The following MAST4 variants were observed in gnomAD, a reference collection of about 807,000 sequenced individuals.
The protein encoded by MAST4 is microtubule-associated serine/threonine-protein kinase 4.
Under a neutral mutation model 162.7 loss-of-function variants are expected in MAST4, and 89 were observed. That is an observed-to-expected ratio of 0.55 (90% CI 0.46 to 0.65). The LOEUF (loss-of-function observed/expected upper bound fraction) is 0.65, where lower values mean the gene tolerates loss of function less well. Ranked by LOEUF, MAST4 falls within the 30% of genes least tolerant of loss-of-function variation. The pLI is 0.00. For missense variants in MAST4, 3,153 were observed against 3,374.0 expected (o/e 0.93, Z 1.62); for synonymous variants, 1,479 against 1,361.1 (o/e 1.09, Z -1.91).
At chr5:67,132,310 T>C (rs561155106) in intron 16 of MAST4, among the ~76,000 whole-genome samples, 90 of 152,162 alleles carry the variant, frequency 5.9e-4, no homozygotes, top group Non-Finnish European at 1.1e-3. Context: ...TTTATCCTAA[T>C]GTTATCCCTT....
At chr5:66,887,380 T>A (rs1397650191) in intron 3 of MAST4, among the ~76,000 whole-genome samples, 1 of 152,228 alleles carries the variant, frequency 6.6e-6, no homozygotes, top group Non-Finnish European at 1.5e-5. Context: ...GATACACTGT[T>A]CCAAAGCTAA....
chr5:67,071,221 G>A (rs1252900750), intron 5 of MAST4, among the ~76,000 whole-genome samples: 2 of 152,086 alleles, frequency 1.3e-5, no homozygotes, highest in Non-Finnish European at 2.9e-5. Context: ...CAATGAAGGC[G>A]AAAGACCTAC....
chr5:66,672,682 C>T (rs561181683), intron 1 of MAST4, among the ~76,000 whole-genome samples: 111 of 152,258 alleles, frequency 7.3e-4, no homozygotes, highest in Non-Finnish European at 1.3e-3. Context: ...AGTTTACTAA[C>T]CACTTTCTCA....
At chr5:66,722,747 G>A (rs1473626313) in intron 1 of MAST4, among the ~76,000 whole-genome samples, 2 of 152,148 alleles carry the variant, frequency 1.3e-5, no homozygotes, top group Non-Finnish European at 2.9e-5. Context: ...TTTCTAACTA[G>A]TTTTCTGGGA....
At chr5:66,719,295 T>G (rs1273852774) in intron 1 of MAST4, among the ~76,000 whole-genome samples, 5 of 152,186 alleles carry the variant, frequency 3.3e-5, no homozygotes, top group Non-Finnish European at 7.3e-5. Flanking sequence ...GGAGGAAATA[T>G]AAACTAGTTT....
At chr5:66,895,558 A>G (rs1384955710) in intron 3 of MAST4, among the ~76,000 whole-genome samples, 3 of 152,144 alleles carry the variant, frequency 2.0e-5, no homozygotes, top group African/African-American at 7.2e-5. Context: ...CAGGCCAAAA[A>G]CTTATGACTC....
At chr5:67,133,128 T>A (rs1353756427) in intron 16 of MAST4, among the ~76,000 whole-genome samples, 4 of 152,108 alleles carry the variant, frequency 2.6e-5, no homozygotes, top group Non-Finnish European at 4.4e-5. Context: ...ATTTTATGCC[T>A]CATTTGAATC....
intron 23 of MAST4, 141 bp downstream of exon 23, chr5:67,145,520 G>GC: frequency 3.0e-6 from 2 of 666,806 alleles, no homozygotes; most frequent in Non-Finnish European, 5.1e-6. Context: ...CAGTCCTTAG[G>GC]CTTGGGACAC....
rs577002880 is a variant in MAST4 at position 66,739,852 on chromosome 5, T to G, written c.364-19857T>G. On this transcript the variant is annotated intron_variant, in intron 1 of 28. Transcript: ENST00000403625. Reference sequence around the variant, plus strand: ...GTTATTTTCCATCACTCTTGTTTTTTTTTTTTTTTTCATCCTGCTTTTTGT... The same window carrying G: ...GTTATTTTCCATCACTCTTGTTTTTGTTTTTTTTTTCATCCTGCTTTTTGT... Among the ~76,000 whole-genome samples the G allele has an allele frequency of 5.3e-5, 8 of 152,094 alleles. No individual in the cohort carries two copies. In the South Asian group the frequency reaches 1.0e-3, roughly 20 times the overall value.
chr5:66,636,933 A>G (rs903826017), intron 1 of MAST4, among the ~76,000 whole-genome samples: 1 of 152,232 alleles, frequency 6.6e-6, no homozygotes, highest in Non-Finnish European at 1.5e-5. Flanking sequence ...TATTAAAGTA[A>G]TGTGTCATTA....
In MAST4 at chr5:67,109,910, T is replaced by G. The variant is rs147170270; in HGVS notation, c.1357-188T>G. ...AGGTTTAGCTAATAGAAAGATTTTG[T>G]AGATATAGGCGTTTAATAGTGTCCA... On this transcript the variant is annotated intron_variant, in intron 10 of 28. Coordinates refer to ENST00000403625, the MANE Select transcript of MAST4 (RefSeq NM_001164664.2). 2.8e-3 allele frequency among the ~76,000 whole-genome samples: 428 copies of G among 152,352 alleles called. 2 individuals carry two copies. The highest frequency in any genetic ancestry group is 5.2e-3 in the South Asian group (25 of 4,826).
chr5:67,071,236 A>C (rs538665815), intron 5 of MAST4, among the ~76,000 whole-genome samples: 3 of 152,340 alleles, frequency 2.0e-5, no homozygotes, highest in Non-Finnish European at 4.4e-5. Context: ...ACCTACAAAC[A>C]ACCGAAACTA....
chr5:66,739,802 TG>T (rs1397025638), intron 1 of MAST4, among the ~76,000 whole-genome samples: 1 of 151,752 alleles, frequency 6.6e-6, no homozygotes, highest in Non-Finnish European at 1.5e-5. Context: ...TTTTTGTACA[TG>T]TTTTTTTTTC....
intron 2 of MAST4, among the ~76,000 whole-genome samples, chr5:66,783,121 C>G (rs1237947104): frequency 6.6e-6 from 1 of 152,150 alleles, no homozygotes; most frequent in Non-Finnish European, 1.5e-5. Flanking sequence ...AGGACAAGAC[C>G]TACGCAAATA....
At chr5:66,994,681 T>C (rs1750432234) in intron 4 of MAST4, among the ~76,000 whole-genome samples, 1 of 152,230 alleles carries the variant, frequency 6.6e-6, no homozygotes, top group Admixed American at 6.5e-5. Flanking sequence ...TACCTTTCAG[T>C]ACTCTCAGTC....
In MAST4 at chr5:66,957,895, C is replaced by T. The variant is rs1745517650; in HGVS notation, c.674+57913C>T. Among the ~76,000 whole-genome samples the T allele has an allele frequency of 5.3e-5, 8 of 152,184 alleles. No homozygotes were observed. The South Asian group carries it at 1.7e-3, about 31-fold the overall frequency. On this transcript the variant is annotated intron_variant, in intron 4 of 28. Coordinates refer to ENST00000403625, the MANE Select transcript of MAST4 (RefSeq NM_001164664.2). ...TGTTGGTTCCTACTTCCCTCCTTGC[C>T]CAGGGCACAACCTGAACAGCTACCT...
At chr5:66,983,515 G>C (rs1322967052) in intron 4 of MAST4, among the ~76,000 whole-genome samples, 2 of 152,122 alleles carry the variant, frequency 1.3e-5, no homozygotes, top group Non-Finnish European at 2.9e-5. Flanking sequence ...TAAGGGACTT[G>C]GGGCTATTTG....
intron 3 of MAST4, among the ~76,000 whole-genome samples, chr5:66,873,440 C>T (rs191725603): frequency 5.8e-4 from 89 of 152,280 alleles, no homozygotes; most frequent in Non-Finnish European, 1.1e-3. Flanking sequence ...ATTACAGGTT[C>T]CTATATTCTG....
intron 4 of MAST4, among the ~76,000 whole-genome samples, chr5:66,947,954 A>T (rs934375774): frequency 3.3e-5 from 5 of 152,146 alleles, no homozygotes; most frequent in Non-Finnish European, 7.4e-5. Context: ...AAAAAATCTA[A>T]TCTCTTTCCC....
Sources: gnomAD v4.1 joint callset for allele counts (sites outside exome capture counted in the v4.1 genomes callset) on GRCh38, gnomAD v4.1.1 for gene constraint, MANE v1.5 for transcripts, NCBI Gene and HGNC (gene_info 2026-07-23, HGNC 2026-07-21) for gene names.